Variants in CLEC9A observed in about 807,000 individuals in gnomAD.
CLEC9A encodes the protein C-type lectin domain family 9 member A.
Under a neutral mutation model 30.0 loss-of-function variants are expected in CLEC9A, and 24 were observed. The observed-to-expected ratio is 0.80, with a 90% CI of 0.58 to 1.13. The LOEUF (loss-of-function observed/expected upper bound fraction) is 1.13, where lower values mean the gene tolerates loss of function less well. Among genes scored for constraint, CLEC9A ranks in the 50% most tolerant of loss-of-function variants. The pLI is 0.00. For synonymous variants in CLEC9A, 111 were observed against 96.8 expected (o/e 1.15, Z -0.86); for missense variants, 251 against 280.9 (o/e 0.89, Z 0.76).
intron 5 of CLEC9A, among the ~76,000 whole-genome samples, chr12:10,057,112 A>G (rs10505751): frequency 0.18 from 26,620 of 152,024 alleles, 2,884 homozygotes; most frequent in East Asian, 0.44. Context: ...TGTGTTAAGC[A>G]ATAAGCAGCT....
intron 1 of CLEC9A, among the ~76,000 whole-genome samples, chr12:10,041,228 A>G (rs544024527): frequency 6.6e-6 from 1 of 152,310 alleles, no homozygotes; most frequent in East Asian, 1.9e-4. Context: ...CCAGAGCCAC[A>G]GAGTGAGACT....
intron 2 of CLEC9A, among the ~76,000 whole-genome samples, chr12:10,043,825 G>C (rs192997986): frequency 6.6e-6 from 1 of 152,064 alleles, no homozygotes; most frequent in Non-Finnish European, 1.5e-5. Context: ...GGGATTACAG[G>C]CACGCGCCAC....
intron 3 of CLEC9A, 36 bp from the exon 4 acceptor site, chr12:10,052,594 T>C: frequency 6.5e-7 from 1 of 1,536,744 alleles, no homozygotes; most frequent in South Asian, 1.2e-5. Flanking sequence ...ATGTAACCAA[T>C]TTCAGTTCTT....
chr12:10,055,125 C>T (rs537245857), intron 5 of CLEC9A, among the ~76,000 whole-genome samples: 3 of 152,246 alleles, frequency 2.0e-5, no homozygotes, highest in East Asian at 1.9e-4. Flanking sequence ...TTTAGAGGAA[C>T]GTTTTAAGAA....
intron 1 of CLEC9A, among the ~76,000 whole-genome samples, chr12:10,035,880 C>G (rs988450801): frequency 6.6e-6 from 1 of 152,210 alleles, no homozygotes; most frequent in African/African-American, 2.4e-5. Context: ...ATTGGGATTA[C>G]AGGAGTTAGC....
chr12:10,046,127 C>T (rs1865843957), intron 2 of CLEC9A, among the ~76,000 whole-genome samples: 1 of 152,164 alleles, frequency 6.6e-6, no homozygotes, highest in Admixed American at 6.5e-5. Flanking sequence ...GATTTTTTAA[C>T]TTCCATTTTC....
chr12:10,050,960 T>C (rs921213904), intron 2 of CLEC9A, among the ~76,000 whole-genome samples: 3 of 152,160 alleles, frequency 2.0e-5, no homozygotes, highest in African/African-American at 4.8e-5. Context: ...ATCCCAGCAC[T>C]TTGGGAGGCC....
intron 5 of CLEC9A, among the ~76,000 whole-genome samples, chr12:10,059,979 T>C (rs930716373): frequency 6.6e-6 from 1 of 152,098 alleles, no homozygotes; most frequent in Non-Finnish European, 1.5e-5. Context: ...ATTAAGGAAA[T>C]GTAAATTAAA....
At chr12:10,043,102 T>C (rs1388177983) in intron 2 of CLEC9A, 1 of 258,042 alleles carries the variant, frequency 3.9e-6, no homozygotes, top group East Asian at 1.2e-4. Flanking sequence ...AATATAGACA[T>C]GTAATCCAAC....
At chr12:10,036,955 A>G (rs947405604) in intron 1 of CLEC9A, among the ~76,000 whole-genome samples, 5 of 152,164 alleles carry the variant, frequency 3.3e-5, no homozygotes, top group Non-Finnish European at 5.9e-5. Context: ...TAACATCATC[A>G]ATAGATTCTT....
chr12:10,063,228 C>A (rs755139653), intron 7 of CLEC9A, 22 bp downstream of exon 7: 2 of 1,530,860 alleles, frequency 1.3e-6, no homozygotes, highest in Non-Finnish European at 1.7e-6. Flanking sequence ...TTTGTGGTCT[C>A]ATGTTATTCT....
intron 2 of CLEC9A, among the ~76,000 whole-genome samples, chr12:10,044,952 A>G (rs1865833025): frequency 6.6e-6 from 1 of 152,262 alleles, no homozygotes; most frequent in Admixed American, 6.5e-5. Context: ...CTAGAAGAGA[A>G]TAAAGATAAG....
At chr12:10,060,606 TAGTGGAGGAGCC>T (rs1865988335) in intron 5 of CLEC9A, 2 of 154,718 alleles carry the variant, frequency 1.3e-5, no homozygotes, top group Non-Finnish European at 2.9e-5. Context: ...ATCCTGATGG[TAGTGGAGGAGCC>T]GAGTATCTTG....
intron 1 of CLEC9A, among the ~76,000 whole-genome samples, chr12:10,032,743 C>A (rs187333118): frequency 6.6e-6 from 1 of 152,054 alleles, no homozygotes; most frequent in Admixed American, 6.6e-5. Flanking sequence ...CTGGCACTAT[C>A]AATTTCTTTT....
At chr12:10,040,889 C>A in intron 1 of CLEC9A, 1 of 207,090 alleles carries the variant, frequency 4.8e-6, no homozygotes, top group South Asian at 7.1e-5. Context: ...GAATGAAAAT[C>A]TCTCAGGAAC....
At chr12:10,064,450 T>C (rs540544002) in intron 7 of CLEC9A, among the ~76,000 whole-genome samples, 1 of 152,350 alleles carries the variant, frequency 6.6e-6, no homozygotes, top group East Asian at 1.9e-4. Flanking sequence ...TATAACACTT[T>C]CTTTTTTTGA....
chr12:10,041,143 G>A (rs1469000459), intron 1 of CLEC9A, among the ~76,000 whole-genome samples: 1 of 152,094 alleles, frequency 6.6e-6, no homozygotes, highest in Non-Finnish European at 1.5e-5. Context: ...CTACTCGGGA[G>A]GCTGAGGCAG....
At chr12:10,035,017 G>C (rs1865731649) in intron 1 of CLEC9A, among the ~76,000 whole-genome samples, 1 of 152,232 alleles carries the variant, frequency 6.6e-6, no homozygotes, top group Admixed American at 6.5e-5. Flanking sequence ...CTCAGCGGAT[G>C]GTGGAGCCAA....
At chr12:10,032,524 G>C (rs1336137341) in intron 1 of CLEC9A, among the ~76,000 whole-genome samples, 1 of 151,422 alleles carries the variant, frequency 6.6e-6, no homozygotes, top group Non-Finnish European at 1.5e-5. Context: ...TCGAGTAGCT[G>C]GGACTAAAGG....
Sources: allele counts gnomAD v4.1 joint callset (sites outside exome capture counted in the v4.1 genomes callset), GRCh38; gene constraint gnomAD v4.1.1; transcripts MANE v1.5; gene names NCBI Gene and HGNC (gene_info 2026-07-23, HGNC 2026-07-21).